Variants in GALK2 observed in about 807,000 individuals in gnomAD.
GALK2 encodes the protein N-acetylgalactosamine kinase.
A neutral mutation model predicts 52.4 loss-of-function variants in GALK2; 36 were observed. That is an observed-to-expected ratio of 0.69 (90% CI 0.53 to 0.91). GALK2 has a LOEUF of 0.91. Ranked by LOEUF, GALK2 falls within the 40% of genes least tolerant of loss-of-function variation. GALK2 has a pLI of 0.00. For missense variants in GALK2, 579 were observed against 559.1 expected, an observed-to-expected ratio of 1.04 and a Z score of -0.36; for synonymous variants, 176 against 199.1, an observed-to-expected ratio of 0.88 and a Z score of 0.98.
intron 1 of GALK2, among the ~76,000 whole-genome samples, chr15:49,199,974 A>C (rs983843518): frequency 2.0e-5 from 3 of 152,060 alleles, no homozygotes; most frequent in Non-Finnish European, 4.4e-5. Flanking sequence ...TTTTTCTATT[A>C]TTTTATTACA....
chr15:49,213,355 A>C (rs2089091120), intron 2 of GALK2, among the ~76,000 whole-genome samples: 1 of 151,960 alleles, frequency 6.6e-6, no homozygotes, highest in African/African-American at 2.4e-5. Flanking sequence ...TTTTTTAAAA[A>C]ATTTTACTTT....
At chr15:49,226,348 C>G (rs2090134331) in intron 3 of GALK2, among the ~76,000 whole-genome samples, 1 of 152,164 alleles carries the variant, frequency 6.6e-6, no homozygotes, top group Non-Finnish European at 1.5e-5. Flanking sequence ...TAGCATTCAG[C>G]AACCCCACAC....
chr15:49,192,903 G>A (rs188319775), intron 1 of GALK2, among the ~76,000 whole-genome samples: 20 of 151,996 alleles, frequency 1.3e-4, no homozygotes, highest in Admixed American at 7.9e-4. Context: ...TTCTGCCTTG[G>A]CATCCCCAAG....
chr15:49,347,714 C>T (rs1168170158), intron 3 of GALK2, among the ~76,000 whole-genome samples: 2 of 152,068 alleles, frequency 1.3e-5, no homozygotes, highest in African/African-American at 4.8e-5. Context: ...TCAATGAAAA[C>T]TTCCATTAAA....
intron 3 of GALK2, among the ~76,000 whole-genome samples, chr15:49,352,923 C>G (rs2042462689): frequency 6.6e-6 from 1 of 152,192 alleles, no homozygotes; most frequent in Non-Finnish European, 1.5e-5. Flanking sequence ...CACTGGTGTT[C>G]TGTCTTACTG....
At chr15:49,355,059 G>A (rs1037961135) in intron 3 of GALK2, among the ~76,000 whole-genome samples, 2 of 150,630 alleles carry the variant, frequency 1.3e-5, no homozygotes, top group Non-Finnish European at 3.0e-5. Flanking sequence ...CTAACAAACA[G>A]AAAGGACATC....
Position 49,253,433 on chromosome 15 carries a change from C to CT in GALK2, c.504+14075dup, listed in dbSNP as rs527261068. Among the ~76,000 whole-genome samples, 48 of 142,322 alleles carry CT rather than the reference C, an allele frequency of 3.4e-4. 3 individuals carry two copies. The highest frequency in any genetic ancestry group is 2.8e-3 in the Admixed American group (39 of 14,052). The allele number at this position is 142,322 out of a possible 152,430, so 93.4% of individuals were successfully genotyped here. On this transcript the variant is annotated intron_variant, in intron 5 of 9. Coordinates refer to ENST00000560031, the MANE Select transcript of GALK2 (RefSeq NM_002044.4). ...AAGCAGGAATATTTTTTCTTTCTTT[C>CT]TTTTTTTTTGTGGTGAAAGCAAGTT...
At chr15:49,244,664 G>A (rs965716533) in intron 5 of GALK2, among the ~76,000 whole-genome samples, 4 of 152,092 alleles carry the variant, frequency 2.6e-5, no homozygotes, top group Non-Finnish European at 5.9e-5. Context: ...AAAGAAGATC[G>A]CATGGGAACT....
At chr15:49,345,142 T>C (rs1596338407) in intron 3 of GALK2, among the ~76,000 whole-genome samples, 1 of 152,352 alleles carries the variant, frequency 6.6e-6, no homozygotes, top group East Asian at 1.9e-4. Context: ...GGAGGTGATG[T>C]ATTTGTCACT....
intron 1 of GALK2, among the ~76,000 whole-genome samples, chr15:49,182,350 T>C: frequency 6.6e-6 from 1 of 152,258 alleles, no homozygotes; most frequent in East Asian, 1.9e-4. Context: ...GGCTGAGTAG[T>C]ACTCCATTGT....
Position 49,291,248 on chromosome 15 carries a change from C to A in GALK2, c.757-1079C>A, listed in dbSNP as rs148024587. Among the ~76,000 whole-genome samples the A allele has an allele frequency of 5.2e-4, 78 of 151,072 alleles. No individual in the cohort carries two copies. In the East Asian group the frequency reaches 0.014, roughly 26 times the overall value. On this transcript the variant is annotated intron_variant, in intron 7 of 9. Coordinates refer to ENST00000560031, the MANE Select transcript of GALK2 (RefSeq NM_002044.4). ...AAATCATAGTTCTATTGTTTTGTTT[C>A]CCAGTTTGGCCTTAAAATCATTAAC...
At chr15:49,365,258 GC>G in intron 3 of GALK2, 2 of 1,205,924 alleles carry the variant, frequency 1.7e-6, no homozygotes, top group Non-Finnish European at 2.5e-6. Flanking sequence ...AACAACTGAG[GC>G]AATAATAAGT....
chr15:49,272,505 C>G (rs550446546), intron 5 of GALK2, among the ~76,000 whole-genome samples: 27 of 152,268 alleles, frequency 1.8e-4, no homozygotes, highest in African/African-American at 6.5e-4. Context: ...TGAGATTGTG[C>G]ACGTTTAACC....
downstream of GALK2, among the ~76,000 whole-genome samples, chr15:49,335,084 G>A (rs1172436294): frequency 6.6e-6 from 1 of 152,130 alleles, no homozygotes; most frequent in Admixed American, 6.5e-5. Flanking sequence ...TCCACTGCAG[G>A]GAATTTTTCT....
intron 9 of GALK2, among the ~76,000 whole-genome samples, chr15:49,325,135 A>G (rs1294328084): frequency 1.3e-5 from 2 of 152,312 alleles, no homozygotes; most frequent in East Asian, 1.9e-4. Flanking sequence ...GACTTTGGCT[A>G]TATTGGGTGC....
chr15:49,193,362 CT>C (rs79026943), intron 1 of GALK2, among the ~76,000 whole-genome samples: 236 of 139,638 alleles, frequency 1.7e-3, no homozygotes, highest in Admixed American at 1.7e-3. Flanking sequence ...TTTTAAGAGG[CT>C]TTTTTTTTTT....
chr15:49,190,872 G>A (rs1489698522), intron 1 of GALK2, among the ~76,000 whole-genome samples: 1 of 152,070 alleles, frequency 6.6e-6, no homozygotes, highest in Non-Finnish European at 1.5e-5. Flanking sequence ...CTATAAATTT[G>A]TTCTGACCAT....
At chr15:49,159,568 T>C (rs139405980) in intron 1 of GALK2, among the ~76,000 whole-genome samples, 5,532 of 142,944 alleles carry the variant, frequency 0.039, 214 homozygotes, top group African/African-American at 0.095. Context: ...AGAACAAGAC[T>C]CTGTCTCAAA....
At chr15:49,239,118 A>ACT (rs1466740150) in intron 4 of GALK2, 103 bp from the exon 5 acceptor site, 2 of 908,002 alleles carry the variant, frequency 2.2e-6, no homozygotes, top group Non-Finnish European at 3.5e-6. Context: ...TAACTATTAT[A>ACT]AGTCTATTGA....
Sources: allele counts gnomAD v4.1 joint callset (sites outside exome capture counted in the v4.1 genomes callset), GRCh38; gene constraint gnomAD v4.1.1; transcripts MANE v1.5; gene names NCBI Gene and HGNC (gene_info 2026-07-23, HGNC 2026-07-21).